The following MDGA2 variants were observed in gnomAD, a reference collection of about 807,000 sequenced individuals.
The protein encoded by MDGA2 is MAM domain containing glycosylphosphatidylinositol anchor 2, also known as MAM domain-containing glycosylphosphatidylinositol anchor protein 2.
Under a neutral mutation model 117.8 loss-of-function variants are expected in MDGA2, and 40 were observed. The observed-to-expected ratio is 0.34, with a 90% confidence interval of 0.26 to 0.44. The LOEUF (loss-of-function observed/expected upper bound fraction) is 0.44, where lower values mean the gene tolerates loss of function less well. Among genes scored for constraint, MDGA2 ranks in the 20% least tolerant of loss-of-function variants. MDGA2 has a pLI of 1.00. For missense variants in MDGA2, 1,123 were observed against 1,250.6 expected, an observed-to-expected ratio of 0.90 and a Z score of 1.54; for synonymous variants, 452 against 439.0, an observed-to-expected ratio of 1.03 and a Z score of -0.37.
chr14:46,906,226 T>G (rs960061486), intron 10 of MDGA2, among the ~76,000 whole-genome samples: 1 of 151,742 alleles, frequency 6.6e-6, no homozygotes, highest in Non-Finnish European at 1.5e-5. Context: ...ATCTGTACAA[T>G]GTATACCCCC....
chr14:46,931,883 C>A (rs1884592760), intron 9 of MDGA2, among the ~76,000 whole-genome samples: 1 of 151,876 alleles, frequency 6.6e-6, no homozygotes, highest in Non-Finnish European at 1.5e-5. Flanking sequence ...TGAATAAAAA[C>A]ATTTTTAAAT....
chr14:47,620,948 T>A (rs1334294188), intron 1 of MDGA2, among the ~76,000 whole-genome samples: 1 of 152,206 alleles, frequency 6.6e-6, no homozygotes, highest in Non-Finnish European at 1.5e-5. Context: ...CTGTAATCAC[T>A]GAGCATCTCC....
At chr14:47,306,842 G>GGA (rs10629208) in intron 1 of MDGA2, among the ~76,000 whole-genome samples, 35,987 of 146,516 alleles carry the variant, frequency 0.25, 4,482 homozygotes, top group Non-Finnish European at 0.29. Flanking sequence ...AGAGAAAGAG[G>GGA]GAGAGAGAGA....
intron 1 of MDGA2, among the ~76,000 whole-genome samples, chr14:47,478,755 A>G (rs1221062222): frequency 1.3e-5 from 2 of 152,214 alleles, no homozygotes; most frequent in Non-Finnish European, 2.9e-5. Flanking sequence ...GGGAAAACAC[A>G]TTGAGAAAAA....
At chr14:47,572,691 G>C (rs754683556) in intron 1 of MDGA2, among the ~76,000 whole-genome samples, 6 of 152,130 alleles carry the variant, frequency 3.9e-5, no homozygotes, top group Non-Finnish European at 8.8e-5. Flanking sequence ...CTACTCAAGA[G>C]AGGCAGCCAA....
rs972360794 is a variant in MDGA2 at position 47,247,038 on chromosome 14, T to C, written c.421-28843A>G. Reference sequence around the variant, plus strand: ...CATATTTTTCTGTGTTGGTGTGTTTTTCTGTGAATAAAAATTACTTTCTAC... The same window carrying C: ...CATATTTTTCTGTGTTGGTGTGTTTCTCTGTGAATAAAAATTACTTTCTAC... On this transcript the variant is annotated intron_variant, in intron 2 of 16. Coordinates refer to ENST00000399232, the MANE Select transcript of MDGA2 (RefSeq NM_001113498.3). Among the ~76,000 whole-genome samples, 4 of 151,804 alleles carry C rather than the reference T, an allele frequency of 2.6e-5. No homozygotes were observed. In the South Asian group the frequency reaches 8.3e-4, roughly 31 times the overall value.
chr14:47,391,980 A>G (rs1891905419), intron 1 of MDGA2, among the ~76,000 whole-genome samples: 1 of 152,196 alleles, frequency 6.6e-6, no homozygotes, highest in Admixed American at 6.5e-5. Flanking sequence ...GACTTTTGGC[A>G]TGCTGTGAGG....
At chr14:46,954,241 C>T (rs1221264991) in intron 9 of MDGA2, among the ~76,000 whole-genome samples, 3 of 151,926 alleles carry the variant, frequency 2.0e-5, no homozygotes, top group Non-Finnish European at 4.4e-5. Flanking sequence ...CACGTGCACC[C>T]ATGTCTCCAG....
chr14:47,311,583 CAGA>C (rs1185592961), intron 1 of MDGA2, among the ~76,000 whole-genome samples: 1 of 152,100 alleles, frequency 6.6e-6, no homozygotes, highest in Non-Finnish European at 1.5e-5. Flanking sequence ...CTACAAAAGG[CAGA>C]AGAACAGTTT....
At chr14:47,447,468 A>G (rs1289335115) in intron 1 of MDGA2, among the ~76,000 whole-genome samples, 1 of 152,150 alleles carries the variant, frequency 6.6e-6, no homozygotes, top group Non-Finnish European at 1.5e-5. Flanking sequence ...TTCCATACTA[A>G]TGCTGTGTTT....
intron 1 of MDGA2, among the ~76,000 whole-genome samples, chr14:47,634,963 C>T (rs559322172): frequency 8.5e-5 from 13 of 152,068 alleles, no homozygotes; most frequent in African/African-American, 2.9e-4. Context: ...ACTGTGTGAC[C>T]TCAGGCAAGT....
intron 15 of MDGA2, among the ~76,000 whole-genome samples, chr14:46,852,423 G>T (rs916250112): frequency 6.6e-6 from 1 of 151,722 alleles, no homozygotes; most frequent in African/African-American, 2.4e-5. Context: ...AATCTGAGTT[G>T]AGGAGATGAG....
At chr14:47,082,567 G>T (rs1157082423) in intron 6 of MDGA2, among the ~76,000 whole-genome samples, 1 of 151,920 alleles carries the variant, frequency 6.6e-6, no homozygotes, top group Admixed American at 6.6e-5. Flanking sequence ...GAATGAAACA[G>T]TAAGACTGTA....
At chr14:47,533,394 T>C (rs1443035007) in intron 1 of MDGA2, among the ~76,000 whole-genome samples, 1 of 152,216 alleles carries the variant, frequency 6.6e-6, no homozygotes, top group Non-Finnish European at 1.5e-5. Flanking sequence ...CACCAGCTGA[T>C]TCTTAGTATA....
At chr14:47,522,541 A>G (rs1161203461) in intron 1 of MDGA2, among the ~76,000 whole-genome samples, 2 of 152,162 alleles carry the variant, frequency 1.3e-5, no homozygotes, top group Non-Finnish European at 2.9e-5. Context: ...AGTTAGAACA[A>G]TCCAGAAGAA....
At chr14:47,017,299 G>GAA (rs751800979) in intron 8 of MDGA2, among the ~76,000 whole-genome samples, 1 of 112,952 alleles carries the variant, frequency 8.9e-6, no homozygotes, top group African/African-American at 3.2e-5. Flanking sequence ...GGCCCACATT[G>GAA]AAAAAAAAAA....
chr14:47,147,679 G>C (rs1039907770), intron 3 of MDGA2, among the ~76,000 whole-genome samples: 1 of 152,114 alleles, frequency 6.6e-6, no homozygotes, highest in African/African-American at 2.4e-5. Flanking sequence ...TCTGGGGAAG[G>C]GATCTAACTG....
At chr14:47,605,006 TG>T (rs147761356) in intron 1 of MDGA2, among the ~76,000 whole-genome samples, 10,998 of 151,600 alleles carry the variant, frequency 0.073, 622 homozygotes, top group African/African-American at 0.15. Context: ...TAAACTTGGT[TG>T]GGGGGGGTGT....
chr14:47,217,366 T>C (rs1886131360), intron 3 of MDGA2, among the ~76,000 whole-genome samples: 2 of 151,828 alleles, frequency 1.3e-5, no homozygotes, highest in South Asian at 4.2e-4. Flanking sequence ...TTTGTTTCGG[T>C]GGGGAATTAA....
Sources: gnomAD v4.1 joint callset for allele counts (sites outside exome capture counted in the v4.1 genomes callset) on GRCh38, gnomAD v4.1.1 for gene constraint, MANE v1.5 for transcripts, NCBI Gene and HGNC (gene_info 2026-07-23, HGNC 2026-07-21) for gene names.